Variants in CCSER1 observed in about 807,000 individuals in gnomAD.
CCSER1 encodes the protein coiled-coil serine rich protein 1.
In CCSER1, 41 loss-of-function variants were observed where a neutral mutation model predicts 82.0. The observed-to-expected ratio is 0.50, with a 90% confidence interval of 0.39 to 0.65. CCSER1 has a LOEUF of 0.65. Among genes scored for constraint, CCSER1 ranks in the 30% least tolerant of loss-of-function variants. The probability of loss-of-function intolerance (pLI) is 0.00; values close to 1 mark genes in which losing one functional copy is unlikely to be tolerated. For missense variants in CCSER1, 1,119 were observed against 1,064.2 expected (o/e 1.05, Z -0.72); for synonymous variants, 414 against 383.9 (o/e 1.08, Z -0.92).
chr4:90,332,681 A>G (rs1464848409), intron 3 of CCSER1, among the ~76,000 whole-genome samples: 1 of 152,176 alleles, frequency 6.6e-6, no homozygotes, highest in African/African-American at 2.4e-5. Flanking sequence ...CTGTGATAAA[A>G]CAAACATATA....
chr4:91,474,141 C>T lies in CCSER1; in HGVS notation c.2218-124431C>T, dbSNP rs574977635. On this transcript the variant is annotated intron_variant, in intron 10 of 10. Transcript: ENST00000509176. ...CATCAAAATTTTGGTGATTTTTACA[C>T]AGTAAAACTGGGATCAGAAGTTAAA... Among the ~76,000 whole-genome samples, 187 of 151,866 alleles carry T rather than the reference C, an allele frequency of 1.2e-3. 1 individual carries two copies. Among genetic ancestry groups the T allele is most frequent in the Non-Finnish European group, 2.4e-3 (160 of 67,910 alleles).
rs1273306494 is a variant in CCSER1 at position 90,917,245 on chromosome 4, G to A, written c.2095-6125G>A. On this transcript the variant is annotated intron_variant, in intron 8 of 10. Coordinates refer to ENST00000509176, the MANE Select transcript of CCSER1 (RefSeq NM_001145065.2). ...GTTTATTGCGGCACTGTTCACAGCAGCAAAGACTTGGAACCAAGCCAAATG... is the reference window on the plus strand; with the variant it reads ...GTTTATTGCGGCACTGTTCACAGCAACAAAGACTTGGAACCAAGCCAAATG... 3.9e-5 allele frequency among the ~76,000 whole-genome samples: 6 copies of A among 152,152 alleles called. No individual in the cohort carries two copies. The East Asian group carries it at 1.2e-3, about 29-fold the overall frequency.
chr4:90,430,174 A>G (rs1157356842), intron 4 of CCSER1, among the ~76,000 whole-genome samples: 1 of 151,884 alleles, frequency 6.6e-6, no homozygotes, highest in Non-Finnish European at 1.5e-5. Flanking sequence ...TACAGTTACA[A>G]TTTGTACTTA....
chr4:90,549,417 C>T (rs1777181383), intron 5 of CCSER1, among the ~76,000 whole-genome samples: 2 of 151,854 alleles, frequency 1.3e-5, no homozygotes, highest in South Asian at 4.2e-4. Flanking sequence ...AAAGTTTTTC[C>T]CAGAAGGGGA....
chr4:91,238,485 A>G (rs1739191618), intron 10 of CCSER1, among the ~76,000 whole-genome samples: 3 of 152,216 alleles, frequency 2.0e-5, no homozygotes, highest in Admixed American at 2.0e-4. Flanking sequence ...CTCTTGATCT[A>G]TGGAAACTGT....
intron 10 of CCSER1, among the ~76,000 whole-genome samples, chr4:91,482,376 T>A: frequency 1.8e-5 from 1 of 54,334 alleles, no homozygotes; most frequent in East Asian, 1.2e-3. Flanking sequence ...CAGTCCGCAG[T>A]CCAGCCTGGG....
chr4:90,495,653 G>T (rs1768870551), intron 5 of CCSER1, among the ~76,000 whole-genome samples: 1 of 152,056 alleles, frequency 6.6e-6, no homozygotes, highest in Non-Finnish European at 1.5e-5. Flanking sequence ...TAATAGAAAT[G>T]AACAATGATT....
rs996754984 is a variant in CCSER1 at position 91,376,217 on chromosome 4, A to G, written c.2218-222355A>G. 2.6e-5 allele frequency among the ~76,000 whole-genome samples: 4 copies of G among 152,206 alleles called. No homozygotes were observed. The East Asian group carries it at 7.7e-4, about 29-fold the overall frequency. On this transcript the variant is annotated intron_variant, in intron 10 of 10. Coordinates refer to ENST00000509176, the MANE Select transcript of CCSER1 (RefSeq NM_001145065.2). The stretch of plus-strand genomic sequence containing the variant: ...TCGTGTGTCCCTTAATGACAGAGAT[A>G]CGTTCTAAGAAATGTATTGTTAGGT...
At chr4:90,900,159 G>A (rs1405012985) in intron 8 of CCSER1, among the ~76,000 whole-genome samples, 2 of 133,364 alleles carry the variant, frequency 1.5e-5, no homozygotes, top group Non-Finnish European at 3.2e-5. Flanking sequence ...TTATTGGTAG[G>A]CTCAGAGTTT....
intron 10 of CCSER1, among the ~76,000 whole-genome samples, chr4:91,165,418 T>C (rs1050815020): frequency 1.3e-5 from 2 of 152,220 alleles, no homozygotes; most frequent in Non-Finnish European, 1.5e-5. Flanking sequence ...TCTGTCCTTC[T>C]TAGAGCTCAA....
At chr4:90,644,223 C>G (rs956884462) in intron 6 of CCSER1, among the ~76,000 whole-genome samples, 2 of 152,094 alleles carry the variant, frequency 1.3e-5, no homozygotes, top group African/African-American at 4.8e-5. Flanking sequence ...AATGAGATAT[C>G]TTGGGAATGG....
At chr4:90,776,605 A>G (rs752959383) in intron 7 of CCSER1, among the ~76,000 whole-genome samples, 2 of 152,222 alleles carry the variant, frequency 1.3e-5, no homozygotes, top group Non-Finnish European at 2.9e-5. Context: ...ACATTTGTTT[A>G]ATGCTTAACA....
chr4:91,234,977 GGTT>G (rs1738893046), intron 10 of CCSER1, among the ~76,000 whole-genome samples: 1 of 151,792 alleles, frequency 6.6e-6, no homozygotes, highest in Admixed American at 6.6e-5. Context: ...ATAGCCTAGA[GGTT>G]AAGAGTGCCA....
intron 8 of CCSER1, among the ~76,000 whole-genome samples, chr4:90,828,928 A>C (rs1580676288): frequency 6.6e-6 from 1 of 152,270 alleles, no homozygotes; most frequent in Admixed American, 6.5e-5. Flanking sequence ...AGGGGAAAGA[A>C]AGACTGTGAG....
intron 3 of CCSER1, among the ~76,000 whole-genome samples, chr4:90,377,827 ATAAAT>A (rs1189636049): frequency 6.6e-6 from 1 of 152,154 alleles, no homozygotes; most frequent in Non-Finnish European, 1.5e-5. Flanking sequence ...TGATAATTAG[ATAAAT>A]TAACTGTGGG....
chr4:90,669,556 C>T (rs367927071), intron 6 of CCSER1, among the ~76,000 whole-genome samples: 19 of 152,044 alleles, frequency 1.2e-4, no homozygotes, highest in Non-Finnish European at 1.8e-4. Context: ...CCACATTATG[C>T]TTGATAAGTT....
chr4:90,700,368 T>A (rs1026322919), intron 6 of CCSER1, among the ~76,000 whole-genome samples: 3 of 152,208 alleles, frequency 2.0e-5, no homozygotes, highest in Non-Finnish European at 4.4e-5. Context: ...TGTGCCACAT[T>A]TTCTTAATTC....
At chr4:90,551,684 C>CTG (rs1245166892) in intron 5 of CCSER1, among the ~76,000 whole-genome samples, 16 of 105,662 alleles carry the variant, frequency 1.5e-4, no homozygotes, top group Non-Finnish European at 2.5e-4. Context: ...ATAATTCTCT[C>CTG]TCTCTCTCTC....
intron 9 of CCSER1, among the ~76,000 whole-genome samples, chr4:90,966,809 A>T (rs1344838137): frequency 6.6e-6 from 1 of 152,140 alleles, no homozygotes; most frequent in East Asian, 1.9e-4. Context: ...AATATTGTTA[A>T]GATGATAATA....
Sources: allele counts gnomAD v4.1 joint callset (sites outside exome capture counted in the v4.1 genomes callset), GRCh38; gene constraint gnomAD v4.1.1; transcripts MANE v1.5; gene names NCBI Gene and HGNC (gene_info 2026-07-23, HGNC 2026-07-21).